Variants in DHTKD1 observed in about 807,000 individuals in gnomAD.
DHTKD1 encodes the protein 2-oxoadipate dehydrogenase complex component E1.
A neutral mutation model predicts 101.8 loss-of-function variants in DHTKD1; 78 were observed. That is an observed-to-expected ratio of 0.77 (90% CI 0.64 to 0.93). The LOEUF (loss-of-function observed/expected upper bound fraction) is 0.93, where lower values mean the gene tolerates loss of function less well. Ranked by LOEUF, DHTKD1 falls within the 40% of genes least tolerant of loss-of-function variation. The pLI, the probability that DHTKD1 is intolerant of heterozygous loss-of-function variation, is 0.00. For synonymous variants in DHTKD1, 462 were observed against 450.3 expected (o/e 1.03, Z -0.33); for missense variants, 1,223 against 1,161.7 (o/e 1.05, Z -0.77).
At chr10:12,119,626 AAAAAAAAAAG>A (rs1212533232) in intron 15 of DHTKD1, among the ~76,000 whole-genome samples, 1 of 151,610 alleles carries the variant, frequency 6.6e-6, no homozygotes, top group African/African-American at 2.4e-5. Flanking sequence ...AAAAAAAAAA[AAAAAAAAAAG>A]AAAGAAAATT....
chr10:12,081,569 G>C lies in DHTKD1; in HGVS notation c.252G>C (p.Glu84Asp), dbSNP rs930925223. The change falls in exon 2 of 17, where the codon GAG becomes GAC. Residue 84 changes from glutamate to aspartate, a missense_variant. Coordinates refer to ENST00000263035, the MANE Select transcript of DHTKD1 (RefSeq NM_018706.7). ...TCTTCACCGGACAAGCCCTGCTGGA[G>C]AATGTGCCTGAAATCCAAGCCCTGG... ...NPLFTGQALL[E>D]NVPEIQALVQ... is the part of the protein sequence containing the mutation. 1.2e-6 allele frequency: 2 copies of C among 1,614,072 alleles called. No individual in the cohort carries two copies. The highest frequency in any genetic ancestry group is 1.7e-6 in the Non-Finnish European group (2 of 1,180,054).
At chr10:12,100,060 T>A (rs557368397) in intron 8 of DHTKD1, 118 bp from the exon 9 acceptor site, 1 of 568,164 alleles carries the variant, frequency 1.8e-6, no homozygotes, top group South Asian at 2.5e-5. Flanking sequence ...CCTCCCAAAG[T>A]GCTGGGATTA....
chr10:12,111,644 G>A (rs567108179), intron 12 of DHTKD1, among the ~76,000 whole-genome samples: 1 of 152,300 alleles, frequency 6.6e-6, no homozygotes. Context: ...CAGCAGCATG[G>A]TTGGTGGCAA....
At chr10:12,071,908 T>C (rs1476266355) in intron 1 of DHTKD1, among the ~76,000 whole-genome samples, 1 of 152,210 alleles carries the variant, frequency 6.6e-6, no homozygotes, top group Non-Finnish European at 1.5e-5. Context: ...ACATTTGCAT[T>C]TTGTATGTGC....
rs917353530 is a variant in DHTKD1, at chr10:12,110,262, A to G, written c.2154+2247A>G. On this transcript the variant is annotated intron_variant, in intron 12 of 16. Transcript: ENST00000263035. This position sits in a 1 kb window ranked among gnomAD's most constrained non-coding sequence, Gnocchi z 4.9. ...GCAGTGAGCTGAGATTGCGCCATGC[A>G]CTCCAGCCTGGGTGACAGAGCGAGA... 1.3e-5 allele frequency among the ~76,000 whole-genome samples: 2 copies of G among 152,092 alleles called. No individual in the cohort carries two copies. The highest frequency in any genetic ancestry group is 4.8e-5 in the African/African-American group (2 of 41,424).
rs1219834930 is a variant in DHTKD1 at position 12,103,284 on chromosome 10, C to T, written c.1896+2103C>T. On this transcript the variant is annotated intron_variant, in intron 10 of 16. Coordinates refer to ENST00000263035, the MANE Select transcript of DHTKD1 (RefSeq NM_018706.7). The surrounding 1 kb of genome is among the most constrained non-coding windows in gnomAD (Gnocchi z 4.8). ...CTCTATGTGAAGACCCTGGGAGAAA[C>T]TCCTGCTTGATCTTGGTAGTGAGAG... is the stretch of plus-strand genomic sequence containing the variant. Among the ~76,000 whole-genome samples the T allele has an allele frequency of 1.3e-5, 2 of 152,054 alleles. No homozygotes were observed. Among genetic ancestry groups the T allele is most frequent in the African/African-American group, 4.8e-5 (2 of 41,408 alleles).
rs145152771 is a variant in DHTKD1 at position 12,100,382 on chromosome 10, A to G, written c.1756+120A>G. On this transcript the variant is annotated intron_variant, in intron 9 of 16. Coordinates refer to ENST00000263035, the MANE Select transcript of DHTKD1 (RefSeq NM_018706.7). ...AACCTCCGCCTCCCAGGTTCAAGCG[A>G]TTCTCCTGCCCCAGCCTCCCAAGTA... The G allele has an allele frequency of 1.9e-5, 10 of 524,128 alleles. No individual in the cohort carries two copies. The East Asian group carries it at 3.5e-4, about 19-fold the overall frequency. 32.5% of individuals were successfully genotyped at this position (524,128 alleles called of 1,614,324 possible). A position where few individuals can be genotyped will look rare whatever the true frequency, so the allele number is the denominator to read the frequency against.
intron 16 of DHTKD1, 46 bp from the exon 17 acceptor site, chr10:12,120,741 G>A (rs1430720590): frequency 1.3e-6 from 2 of 1,514,564 alleles, no homozygotes; most frequent in Non-Finnish European, 1.8e-6. Flanking sequence ...GCAGAGCTCT[G>A]ATCTAGTCAA....
intron 12 of DHTKD1, 74 bp downstream of exon 12, chr10:12,108,089 C>A: frequency 9.3e-7 from 1 of 1,075,154 alleles, no homozygotes; most frequent in Non-Finnish European, 1.4e-6. Context: ...CTGCGGATAG[C>A]TTAACGCCCA....
At position 12,123,142 on chromosome 10, in the gene DHTKD1, G is replaced by T. The variant is rs1424812262; in HGVS notation, c.*2254G>T. The T allele has an allele frequency of 6.6e-6, 1 of 151,600 alleles. No homozygotes were observed. Among genetic ancestry groups the T allele is most frequent in the Non-Finnish European group, 1.5e-5 (1 of 67,944 alleles). The allele number at this position is 151,600 out of a possible 1,614,324, so 9.4% of individuals were successfully genotyped here. ...CATGTAAATCAGTAAAATCACAAAG[G>T]TCTATTTAATGAAAACGATTTACCA... On this transcript the variant is annotated 3_prime_UTR_variant, in exon 17 of 17. Coordinates refer to ENST00000263035, the MANE Select transcript of DHTKD1 (RefSeq NM_018706.7).
intron 7 of DHTKD1, among the ~76,000 whole-genome samples, chr10:12,094,979 T>C (rs548095639): frequency 6.6e-6 from 1 of 152,228 alleles, no homozygotes; most frequent in Admixed American, 6.5e-5. Context: ...CCTCATTGAA[T>C]AGAAAAAGGG....
At position 12,097,995 on chromosome 10, in the gene DHTKD1, A is replaced by T. The variant is rs1833099907; in HGVS notation, c.1670A>T (p.Gln557Leu). 2 of 1,594,756 alleles carry T rather than the reference A, an allele frequency of 1.3e-6. No individual in the cohort carries two copies. Among genetic ancestry groups the T allele is most frequent in the African/African-American group, 2.7e-5 (2 of 74,646 alleles). Reference sequence around the variant, plus strand: ...AGTCACCTGCTGAAGACACATGTTCAGGTGGGCAGCCTCCAAATGGCTGGT... The same window carrying T: ...AGTCACCTGCTGAAGACACATGTTCTGGTGGGCAGCCTCCAAATGGCTGGT... Reference protein sequence around the residue: ...MHSHLLKTHVQSRMEKMMDGI... With the variant: ...MHSHLLKTHVLSRMEKMMDGI... The change falls in exon 8 of 17, where the codon CAG becomes CTG. Residue 557 changes from glutamine (Q) to leucine (L), a missense_variant and splice_region_variant. Physicochemically the swap from Gln to Leu is moderately radical, Grantham distance 113 (BLOSUM62 -2). Transcript: ENST00000263035.
At chr10:12,091,737 G>A (rs1156640176) in intron 6 of DHTKD1, 53 bp downstream of exon 6, 2 of 1,538,758 alleles carry the variant, frequency 1.3e-6, no homozygotes, top group Admixed American at 1.7e-5. Flanking sequence ...GGAATTCCTA[G>A]GGAAACCTCT....
At chr10:12,119,490 C>T (rs1486886438) in intron 15 of DHTKD1, among the ~76,000 whole-genome samples, 1 of 150,902 alleles carries the variant, frequency 6.6e-6, no homozygotes, top group Non-Finnish European at 1.5e-5. Context: ...GTGGCGGGCG[C>T]CTGTAGTCCC....
chr10:12,107,828 T>C lies in DHTKD1; in HGVS notation c.2048-81T>C. 1 of 917,484 alleles carries C rather than the reference T, an allele frequency of 1.1e-6. No individual in the cohort carries two copies. Among genetic ancestry groups the C allele is most frequent in the Non-Finnish European group, 1.7e-6 (1 of 575,040 alleles). The allele number at this position is 917,484 out of a possible 1,614,324, so 56.8% of individuals were successfully genotyped here. ...TGGGGGGCCAGGCAGAAAACTAACA[T>C]TGATTTCCCCAGCTGAGTCGTGTCA... On this transcript the variant is annotated intron_variant, in intron 11 of 16. Transcript: ENST00000263035. This position sits in a 1 kb window ranked among gnomAD's most constrained non-coding sequence, Gnocchi z 4.1.
chr10:12,076,999 A>G (rs938489964), intron 1 of DHTKD1, among the ~76,000 whole-genome samples: 4 of 146,410 alleles, frequency 2.7e-5, no homozygotes, highest in African/African-American at 1.0e-4. Flanking sequence ...AAAAAAAGGA[A>G]GAAAAAAGAA....
At chr10:12,098,207 T>G (rs1056873789) in intron 8 of DHTKD1, among the ~76,000 whole-genome samples, 4 of 152,204 alleles carry the variant, frequency 2.6e-5, no homozygotes, top group Non-Finnish European at 5.9e-5. Flanking sequence ...TGTATTTATT[T>G]ATTTATGCAT....
intron 1 of DHTKD1, among the ~76,000 whole-genome samples, chr10:12,076,355 A>C (rs1219750908): frequency 6.6e-6 from 1 of 152,226 alleles, no homozygotes. Context: ...ACAGGCCTGT[A>C]GTCCCAGCTA....
chr10:12,082,064 C>G (rs1832828944), intron 2 of DHTKD1, among the ~76,000 whole-genome samples: 1 of 151,706 alleles, frequency 6.6e-6, no homozygotes, highest in African/African-American at 2.4e-5. Context: ...GAGGTCAAGG[C>G]TGCAGTGAGC....
Sources: gnomAD v4.1 joint callset for allele counts (sites outside exome capture counted in the v4.1 genomes callset) on GRCh38, gnomAD v4.1.1 for gene constraint, Gnocchi (gnomAD v3.1) non-coding constraint, MANE v1.5 for transcripts, NCBI Gene and HGNC (gene_info 2026-07-23, HGNC 2026-07-21) for gene names.